LBR: variants seen among roughly 807,000 people sequenced by gnomAD.
The protein encoded by LBR is lamin B receptor, also known as delta(14)-sterol reductase LBR.
In LBR, 28 loss-of-function variants were observed where a neutral mutation model predicts 74.3. The ratio of observed to expected loss-of-function variants is 0.38; its 90% confidence interval spans 0.28 to 0.52. The LOEUF (loss-of-function observed/expected upper bound fraction) is 0.52, where lower values mean the gene tolerates loss of function less well. Among genes scored for constraint, LBR ranks in the 20% least tolerant of loss-of-function variants. The probability of loss-of-function intolerance (pLI) is 0.89; values close to 1 mark genes in which losing one functional copy is unlikely to be tolerated. For synonymous variants in LBR, 228 were observed against 269.3 expected (o/e 0.85, Z 1.50); for missense variants, 717 against 760.3 (o/e 0.94, Z 0.67).
chr1:225,422,351 G>T, intron 2 of LBR, 74 bp from the exon 3 acceptor site: 1 of 1,213,640 alleles, frequency 8.2e-7, no homozygotes, highest in Non-Finnish European at 1.2e-6. Flanking sequence ...ACTAGAAGAG[G>T]ATAACAAAGG....
At chr1:225,415,240 T>A (rs1450384517) in intron 7 of LBR, 38 bp downstream of exon 7, 16 of 1,322,358 alleles carry the variant, frequency 1.2e-5, no homozygotes, top group Non-Finnish European at 1.7e-5. Flanking sequence ...GTTTAAGCTA[T>A]CAAATCATCA....
chr1:225,421,689 T>C (rs1412761728), intron 3 of LBR, among the ~76,000 whole-genome samples: 1 of 152,232 alleles, frequency 6.6e-6, no homozygotes, highest in African/African-American at 2.4e-5. Context: ...CATCTTTGAA[T>C]AGGTAAAGTG....
upstream of LBR, chr1:225,428,648 T>A (rs996691466): frequency 1.3e-5 from 2 of 152,136 alleles, no homozygotes; most frequent in Non-Finnish European, 2.9e-5. Flanking sequence ...CCCGGACCGA[T>A]GCTGGGACCG....
chr1:225,417,881 G>C (rs1267050675), intron 6 of LBR, 103 bp downstream of exon 6: 2 of 1,025,088 alleles, frequency 2.0e-6, no homozygotes, highest in East Asian at 5.2e-5. Context: ...GACTCAGGAG[G>C]CTGCGGCAAG....
chr1:225,410,157 C>T lies in LBR; in HGVS notation c.1314+134G>A, dbSNP rs3753647. ...CTCGTCAGCTTCACATGGATGGCCT[C>T]GTCCTCCTCTCAAGCAGCCTTGGAG... On this transcript the variant is annotated intron_variant, in intron 10 of 13. Transcript: ENST00000272163. The T allele has an allele frequency of 3.3e-4, 452 of 1,361,324 alleles. 2 individuals are homozygous for T. The East Asian group carries it at 8.3e-3, about 25-fold the overall frequency. 84.3% of individuals were successfully genotyped at this position (1,361,324 alleles called of 1,614,324 possible). A position where few individuals can be genotyped will look rare whatever the true frequency, so the allele number is the denominator to read the frequency against.
rs546531358 is a variant in LBR, at chr1:225,420,685, G to A, written c.367-887C>T. Among the ~76,000 whole-genome samples the A allele has an allele frequency of 3.9e-4, 59 of 151,976 alleles. No homozygotes were observed. In the South Asian group the frequency reaches 0.01, roughly 26 times the overall value. ...ACACAGCATCTGTTCCTGGAGTCCC[G>A]GGGTGGTAAAGAGAGCCACTAATAG... On this transcript the variant is annotated intron_variant, in intron 3 of 13. Coordinates refer to ENST00000272163, the MANE Select transcript of LBR (RefSeq NM_002296.4).
chr1:225,405,364 T>A (rs139968274), intron 11 of LBR, among the ~76,000 whole-genome samples: 1 of 152,356 alleles, frequency 6.6e-6, no homozygotes, highest in African/African-American at 2.4e-5. Context: ...TTTGAATGTG[T>A]TCTCCAAAGT....
intron 6 of LBR, among the ~76,000 whole-genome samples, chr1:225,416,501 C>A (rs1319920066): frequency 6.6e-6 from 1 of 152,236 alleles, no homozygotes; most frequent in African/African-American, 2.4e-5. Context: ...CATTAGCTAG[C>A]ATTCCTCCTC....
intron 7 of LBR, among the ~76,000 whole-genome samples, chr1:225,413,632 AT>A (rs1280726123): frequency 1.3e-5 from 2 of 152,256 alleles, no homozygotes; most frequent in African/African-American, 4.8e-5. Context: ...TTTTGAAAAT[AT>A]TCATTTACCT....
intron 8 of LBR, among the ~76,000 whole-genome samples, chr1:225,412,232 C>CA (rs1185404134): frequency 1.2e-4 from 18 of 151,518 alleles, no homozygotes; most frequent in African/African-American, 3.9e-4. Context: ...CAAGCAACTG[C>CA]AAAAAAAAGA....
rs2096133904 is a variant in LBR, at chr1:225,423,992, C to T, written c.84G>A (p.Leu28=). 1 of 1,613,914 alleles carries T rather than the reference C, an allele frequency of 6.2e-7. No homozygotes were observed. The highest frequency in any genetic ancestry group is 1.3e-5 in the African/African-American group (1 of 74,912). ...GSSLYYEVEI[L]SHDSTSQLYT... is the part of the protein sequence containing the mutation. ...AAAGCTGGGAGGTGCTGTCGTGGCT[C>T]AGAATTTCTACTTCATAATAAAGTG... Residue 28 remains leucine, a synonymous_variant, in exon 2 of 14, where the codon CTG becomes CTA. Coordinates refer to ENST00000272163, the MANE Select transcript of LBR (RefSeq NM_002296.4).
At chr1:225,423,269 G>A (rs549248872) in intron 2 of LBR, among the ~76,000 whole-genome samples, 13 of 152,056 alleles carry the variant, frequency 8.5e-5, no homozygotes, top group South Asian at 2.1e-4. Flanking sequence ...TGTATACTAC[G>A]GATCAGATAT....
chr1:225,426,356 G>A (rs1392637615), intron 1 of LBR, among the ~76,000 whole-genome samples: 2 of 152,216 alleles, frequency 1.3e-5, no homozygotes, highest in African/African-American at 4.8e-5. Flanking sequence ...CTCACCTACA[G>A]GAGTCAAGAT....
At chr1:225,405,966 G>A (rs1250740701) in intron 11 of LBR, among the ~76,000 whole-genome samples, 1 of 152,176 alleles carries the variant, frequency 6.6e-6, no homozygotes, top group Non-Finnish European at 1.5e-5. Flanking sequence ...TTAGTGAACA[G>A]TGTAAGAACA....
At chr1:225,426,192 A>T (rs1044029706) in intron 1 of LBR, among the ~76,000 whole-genome samples, 1 of 152,238 alleles carries the variant, frequency 6.6e-6, no homozygotes, top group Non-Finnish European at 1.5e-5. Flanking sequence ...GAAGCCAACA[A>T]CATGATGTGC....
chr1:225,410,984 C>T (rs555741923), intron 9 of LBR, among the ~76,000 whole-genome samples: 1 of 152,218 alleles, frequency 6.6e-6, no homozygotes, highest in Non-Finnish European at 1.5e-5. Flanking sequence ...TGGAAGGGAA[C>T]TCTTTGCTCT....
intron 5 of LBR, 123 bp downstream of exon 5, chr1:225,419,140 T>G: frequency 1.1e-6 from 1 of 903,896 alleles, no homozygotes; most frequent in Non-Finnish European, 1.8e-6. Context: ...TTCCACAGGT[T>G]CCCACCAGGC....
At chr1:225,414,208 G>A (rs907223307) in intron 7 of LBR, 4 of 449,262 alleles carry the variant, frequency 8.9e-6, no homozygotes, top group Admixed American at 4.8e-5. Context: ...TGGGGGAGAC[G>A]TTTTATCACA....
chr1:225,404,171 A>AC (rs1478423249), intron 13 of LBR, among the ~76,000 whole-genome samples: 2 of 152,198 alleles, frequency 1.3e-5, no homozygotes, highest in Non-Finnish European at 2.9e-5. Flanking sequence ...GCTATCAGGC[A>AC]CAGCTGAAAA....
Sources: allele counts gnomAD v4.1 joint callset (sites outside exome capture counted in the v4.1 genomes callset), GRCh38; gene constraint gnomAD v4.1.1; transcripts MANE v1.5; gene names NCBI Gene and HGNC (gene_info 2026-07-23, HGNC 2026-07-21).